The following HERC1 variants were observed in gnomAD, a reference collection of about 807,000 sequenced individuals.
HERC1 encodes probable E3 ubiquitin-protein ligase HERC1.
Under a neutral mutation model 554.3 loss-of-function variants are expected in HERC1, and 160 were observed. The ratio of observed to expected loss-of-function variants is 0.29; its 90% CI spans 0.25 to 0.33. The LOEUF is 0.33. Among genes scored for constraint, HERC1 ranks in the 10% least tolerant of loss-of-function variants. HERC1 has a pLI of 1.00. For synonymous variants in HERC1, 2,175 were observed against 2,131.7 expected (o/e 1.02, Z -0.56); for missense variants, 4,919 against 5,918.5 (o/e 0.83, Z 5.54).
intron 75 of HERC1, among the ~76,000 whole-genome samples, 173 bp from the exon 76 acceptor site, chr15:63,616,093 T>C (rs2067803801): frequency 6.6e-6 from 1 of 152,186 alleles, no homozygotes; most frequent in African/African-American, 2.4e-5. Context: ...ATGTGATGAC[T>C]CAACCAGCTG....
intron 1 of HERC1, among the ~76,000 whole-genome samples, chr15:63,810,756 A>G (rs1050064531): frequency 1.3e-5 from 2 of 152,206 alleles, no homozygotes; most frequent in Non-Finnish European, 2.9e-5. Flanking sequence ...ATTAATTACA[A>G]AGGGGAAAAA....
At chr15:63,773,549 T>A (rs1009127776) in intron 2 of HERC1, among the ~76,000 whole-genome samples, 10 of 151,450 alleles carry the variant, frequency 6.6e-5, no homozygotes, top group Non-Finnish European at 1.3e-4. Context: ...TATTTTTTTT[T>A]ATTTTATTTT....
At chr15:63,765,124 G>A (rs2075733418) in intron 2 of HERC1, among the ~76,000 whole-genome samples, 1 of 152,140 alleles carries the variant, frequency 6.6e-6, no homozygotes, top group Non-Finnish European at 1.5e-5. Context: ...TATCCTCATA[G>A]GTAACTACTC....
In HERC1 at chr15:63,636,038, T is replaced by C. The variant is rs2068764746; in HGVS notation, c.12337A>G (p.Lys4113Glu). 1 of 1,613,744 alleles carries C rather than the reference T, an allele frequency of 6.2e-7. No individual in the cohort carries two copies. The highest frequency in any genetic ancestry group is 1.3e-5 in the African/African-American group (1 of 74,874). ...VFSWGDGDYG[K>E]LGHGNSDRQR... Reference sequence around the variant, plus strand: ...CTGTCGCTGTTCCCATGGCCAAGTTTACCATAGTCACCATCTCCCCAGCTA... The same window carrying C: ...CTGTCGCTGTTCCCATGGCCAAGTTCACCATAGTCACCATCTCCCCAGCTA... The change falls in exon 65 of 78, where the codon AAA becomes GAA. Residue 4113 changes from lysine to glutamate, a missense_variant. Coordinates refer to ENST00000443617, the MANE Select transcript of HERC1 (RefSeq NM_003922.4).
At chr15:63,743,821 C>T (rs959664550) in intron 12 of HERC1, among the ~76,000 whole-genome samples, 11 of 152,104 alleles carry the variant, frequency 7.2e-5, no homozygotes, top group Non-Finnish European at 1.5e-4. Context: ...GTCCTTGGTG[C>T]CTTCTTTGGT....
At chr15:63,688,756 T>C (rs1418844823) in intron 33 of HERC1, among the ~76,000 whole-genome samples, 19 of 152,134 alleles carry the variant, frequency 1.2e-4, no homozygotes, top group Non-Finnish European at 2.9e-5. Context: ...ATTCACAAGA[T>C]ATAAATCAAT....
At chr15:63,690,687 T>A in intron 31 of HERC1, 40 bp from the exon 32 acceptor site, 2 of 1,248,784 alleles carry the variant, frequency 1.6e-6, no homozygotes, top group Non-Finnish European at 2.3e-6. Flanking sequence ...CAATGTGACT[T>A]AAATTCAAAG....
rs374631238 is a variant in HERC1, at chr15:63,652,550, G to T, written c.10291-9C>A. ...CAAACACATGTCATTACCTAGAAAA[G>T]TTGAAACAGGTAGTCTAATAATTTT... On this transcript the variant is annotated splice_polypyrimidine_tract_variant and intron_variant, in intron 51 of 77. Transcript: ENST00000443617. 8.8e-4 allele frequency: 1,372 copies of T among 1,565,846 alleles called. 11 individuals are homozygous for T. The highest frequency in any genetic ancestry group is 6.0e-3 in the South Asian group (515 of 85,322).
intron 1 of HERC1, among the ~76,000 whole-genome samples, chr15:63,809,369 A>C (rs1489164861): frequency 6.6e-6 from 1 of 152,248 alleles, no homozygotes; most frequent in African/African-American, 2.4e-5. Context: ...CAACCTAACA[A>C]GAATGTGCAA....
chr15:63,676,167 GC>G (rs2071194608), intron 37 of HERC1, among the ~76,000 whole-genome samples: 1 of 152,062 alleles, frequency 6.6e-6, no homozygotes, highest in Admixed American at 6.6e-5. Flanking sequence ...CTCCCAAACT[GC>G]CGGGATTACA....
intron 71 of HERC1, 41 bp downstream of exon 71, chr15:63,625,944 A>AGCCAGTCTGTGCCTGGCTGCTTACCAC: frequency 6.3e-7 from 1 of 1,579,318 alleles, no homozygotes. Flanking sequence ...CTGCTTACCA[A>AGCCAGTCTGTGCCTGGCTGCTTACCAC]GCCAGTCTGT....
At chr15:63,691,168 T>C (rs1331135753) in intron 31 of HERC1, among the ~76,000 whole-genome samples, 1 of 152,180 alleles carries the variant, frequency 6.6e-6, no homozygotes, top group Non-Finnish European at 1.5e-5. Context: ...ACTATACTTT[T>C]CTAAAGTAAG....
chr15:63,821,891 T>C (rs757959275), intron 1 of HERC1, among the ~76,000 whole-genome samples: 3 of 152,124 alleles, frequency 2.0e-5, no homozygotes, highest in Non-Finnish European at 4.4e-5. Context: ...GGAGTTTACA[T>C]TCTAGTAAGG....
chr15:63,617,716 T>C (rs1273625495), intron 74 of HERC1, among the ~76,000 whole-genome samples: 2 of 152,206 alleles, frequency 1.3e-5, no homozygotes, highest in Admixed American at 6.5e-5. Flanking sequence ...TGGTGTGAGA[T>C]GGTATTTCAT....
chr15:63,785,928 A>G (rs554680191), intron 1 of HERC1, among the ~76,000 whole-genome samples: 2 of 152,052 alleles, frequency 1.3e-5, no homozygotes, highest in Admixed American at 1.3e-4. Flanking sequence ...CTGGTCTCAA[A>G]CTCCTGGACT....
At chr15:63,759,480 T>C (rs2075538022) in intron 3 of HERC1, among the ~76,000 whole-genome samples, 1 of 152,216 alleles carries the variant, frequency 6.6e-6, no homozygotes, top group African/African-American at 2.4e-5. Flanking sequence ...ATAATAAGTA[T>C]CATGCTTTTA....
chr15:63,815,184 T>G (rs1185020819), intron 1 of HERC1, among the ~76,000 whole-genome samples: 1 of 152,214 alleles, frequency 6.6e-6, no homozygotes, highest in African/African-American at 2.4e-5. Context: ...ATGGCTCTGA[T>G]TGTCTAAAAG....
In HERC1 at chr15:63,758,152, T is replaced by A; in HGVS notation, c.1221+23A>T. The A allele has an allele frequency of 6.5e-7, 1 of 1,550,312 alleles. No homozygotes were observed. The highest frequency in any genetic ancestry group is 8.9e-7 in the Non-Finnish European group (1 of 1,127,858). On this transcript the variant is annotated intron_variant, in intron 4 of 77. Transcript: ENST00000443617. The surrounding 1 kb of genome is among the most constrained non-coding windows in gnomAD (Gnocchi z 4.0). ...ATATACACCAGATTATCTACCAGTTTGTAAGCTATTTAGAAAACTTACGGT... is the reference window on the plus strand; with the variant it reads ...ATATACACCAGATTATCTACCAGTTAGTAAGCTATTTAGAAAACTTACGGT...
At chr15:63,730,279 A>C (rs759122893) in intron 14 of HERC1, among the ~76,000 whole-genome samples, 1 of 151,660 alleles carries the variant, frequency 6.6e-6, no homozygotes, top group Non-Finnish European at 1.5e-5. Flanking sequence ...ACACAGCAAG[A>C]CTTCACCTCT....
Sources: allele counts gnomAD v4.1 joint callset (sites outside exome capture counted in the v4.1 genomes callset), GRCh38; gene constraint gnomAD v4.1.1; non-coding constraint Gnocchi (gnomAD v3.1); transcripts MANE v1.5; gene names NCBI Gene and HGNC (gene_info 2026-07-23, HGNC 2026-07-21).